Variants in SMYD3 observed in about 807,000 individuals in gnomAD.
SMYD3 encodes histone-lysine N-methyltransferase SMYD3.
In SMYD3, 36 loss-of-function variants were observed where a neutral mutation model predicts 57.7. That is an observed-to-expected ratio of 0.62 (90% CI 0.48 to 0.82). The LOEUF is 0.82. Among genes scored for constraint, SMYD3 ranks in the 40% least tolerant of loss-of-function variants. SMYD3 has a pLI of 0.00. For synonymous variants in SMYD3, 211 were observed against 195.0 expected (o/e 1.08, Z -0.68); for missense variants, 515 against 538.8 (o/e 0.96, Z 0.44).
chr1:246,310,624 G>A (rs1475160848), intron 5 of SMYD3, among the ~76,000 whole-genome samples: 2 of 150,544 alleles, frequency 1.3e-5, no homozygotes, highest in Non-Finnish European at 3.0e-5. Flanking sequence ...AGAAGAAAAG[G>A]AATCCTGAGT....
chr1:246,485,331 G>A (rs1187516789), intron 1 of SMYD3, among the ~76,000 whole-genome samples: 4 of 152,146 alleles, frequency 2.6e-5, no homozygotes, highest in Non-Finnish European at 4.4e-5. Flanking sequence ...TATTGCACTA[G>A]TTACACACTA....
chr1:246,479,073 T>C (rs1004612762), intron 1 of SMYD3, among the ~76,000 whole-genome samples: 13 of 151,580 alleles, frequency 8.6e-5, no homozygotes, highest in African/African-American at 3.2e-4. Context: ...CTGTCCTCTG[T>C]CCTGGAGCTG....
intron 5 of SMYD3, among the ~76,000 whole-genome samples, chr1:246,107,674 C>A (rs1238414541): frequency 6.6e-6 from 1 of 152,294 alleles, no homozygotes; most frequent in East Asian, 1.9e-4. Context: ...GGAAACAATA[C>A]AAAAGATTGC....
intron 5 of SMYD3, among the ~76,000 whole-genome samples, chr1:246,230,097 G>A (rs149197641): frequency 2.3e-4 from 35 of 152,298 alleles, no homozygotes; most frequent in Admixed American, 1.4e-3. Context: ...TAATGAATGT[G>A]TGAAGATTTT....
At chr1:246,002,227 C>G (rs2059065496) in intron 5 of SMYD3, among the ~76,000 whole-genome samples, 2 of 149,200 alleles carry the variant, frequency 1.3e-5, no homozygotes, top group Non-Finnish European at 1.5e-5. Flanking sequence ...CTCCGTCACC[C>G]AGGCTGGAGT....
At chr1:246,285,538 C>T (rs977146776) in intron 5 of SMYD3, among the ~76,000 whole-genome samples, 1 of 148,486 alleles carries the variant, frequency 6.7e-6, no homozygotes, top group Admixed American at 6.7e-5. Context: ...TATAAAAATG[C>T]TACAAAAAAA....
At chr1:245,896,579 T>C (rs1170890718) in intron 8 of SMYD3, among the ~76,000 whole-genome samples, 1 of 152,120 alleles carries the variant, frequency 6.6e-6, no homozygotes. Context: ...CAGTCAACCT[T>C]AAAGCTTAAA....
At chr1:245,871,197 A>G (rs2052171525) in intron 8 of SMYD3, among the ~76,000 whole-genome samples, 1 of 152,224 alleles carries the variant, frequency 6.6e-6, no homozygotes, top group Non-Finnish European at 1.5e-5. Context: ...CAAGAGAGAG[A>G]TTGGAAAGTC....
chr1:246,278,427 T>A lies in SMYD3; in HGVS notation c.531+48774A>T, dbSNP rs187796268. Among the ~76,000 whole-genome samples the A allele has an allele frequency of 3.3e-5, 5 of 152,284 alleles. No homozygotes were observed. In the East Asian group the frequency reaches 9.6e-4, roughly 29 times the overall value. On this transcript the variant is annotated intron_variant, in intron 5 of 11. Coordinates refer to ENST00000490107, the MANE Select transcript of SMYD3 (RefSeq NM_001167740.2). The stretch of plus-strand genomic sequence containing the variant: ...ATATGTCACTCCTGCCAATTACATT[T>A]CATAAAACTCCATCTTGCCATCAGA...
intron 5 of SMYD3, among the ~76,000 whole-genome samples, chr1:245,959,556 G>A (rs1199429760): frequency 6.6e-6 from 1 of 152,132 alleles, no homozygotes; most frequent in Non-Finnish European, 1.5e-5. Context: ...AGGGGGAGCT[G>A]ACCAACTAGA....
intron 5 of SMYD3, among the ~76,000 whole-genome samples, chr1:246,171,016 T>C (rs1177102755): frequency 3.3e-5 from 5 of 152,198 alleles, no homozygotes; most frequent in African/African-American, 1.2e-4. Flanking sequence ...GTCTACAAAT[T>C]ACTACTTTCA....
At chr1:246,058,364 G>C (rs2060189710) in intron 5 of SMYD3, among the ~76,000 whole-genome samples, 1 of 152,054 alleles carries the variant, frequency 6.6e-6, no homozygotes, top group Admixed American at 6.5e-5. Flanking sequence ...AGAAAACTCT[G>C]TACCTTCCTC....
At chr1:245,977,827 A>G (rs1171249030) in intron 5 of SMYD3, among the ~76,000 whole-genome samples, 1 of 152,220 alleles carries the variant, frequency 6.6e-6, no homozygotes, top group African/African-American at 2.4e-5. Flanking sequence ...GGCCCCATGC[A>G]GGGAACATAC....
At chr1:246,502,370 G>A (rs921833852) in intron 1 of SMYD3, among the ~76,000 whole-genome samples, 1 of 152,012 alleles carries the variant, frequency 6.6e-6, no homozygotes, top group African/African-American at 2.4e-5. Flanking sequence ...GGGCTCAAGC[G>A]ATCCACCTGC....
chr1:246,280,005 G>C (rs1055260715), intron 5 of SMYD3, among the ~76,000 whole-genome samples: 3 of 152,148 alleles, frequency 2.0e-5, no homozygotes, highest in African/African-American at 7.2e-5. Context: ...TAGCACACAC[G>C]ATGTTCTTAG....
At chr1:246,002,251 C>G (rs1321366202) in intron 5 of SMYD3, among the ~76,000 whole-genome samples, 8 of 141,836 alleles carry the variant, frequency 5.6e-5, no homozygotes, top group Non-Finnish European at 3.1e-5. Context: ...GTGGCGCGAT[C>G]TCGGCTCACT....
chr1:246,040,106 TG>T (rs1474734465), intron 5 of SMYD3, among the ~76,000 whole-genome samples: 2 of 152,214 alleles, frequency 1.3e-5, no homozygotes, highest in Non-Finnish European at 2.9e-5. Context: ...GATCCTATCA[TG>T]AAACAGAAAT....
chr1:246,086,755 T>C (rs947487470), intron 5 of SMYD3, among the ~76,000 whole-genome samples: 1 of 152,014 alleles, frequency 6.6e-6, no homozygotes, highest in East Asian at 1.9e-4. Context: ...CTGGGATACA[T>C]GTGCGGGACC....
intron 5 of SMYD3, among the ~76,000 whole-genome samples, chr1:246,112,603 C>G (rs541982026): frequency 1.3e-5 from 2 of 152,228 alleles, no homozygotes; most frequent in Non-Finnish European, 2.9e-5. Context: ...TGCTACAATA[C>G]AAGGCTACTG....
Sources: gnomAD v4.1 joint callset for allele counts (sites outside exome capture counted in the v4.1 genomes callset) on GRCh38, gnomAD v4.1.1 for gene constraint, MANE v1.5 for transcripts, NCBI Gene and HGNC (gene_info 2026-07-23, HGNC 2026-07-21) for gene names.